Variants in ARSJ observed in about 807,000 individuals in gnomAD.
ARSJ encodes arylsulfatase family member J.
ARSJ carries 26 observed loss-of-function variants against 35.9 expected under a neutral mutation model. That is an observed-to-expected ratio of 0.72 (90% CI 0.53 to 1.00). ARSJ has a LOEUF of 1.00. Ranked by LOEUF, ARSJ falls within the 50% of genes least tolerant of loss-of-function variation. The pLI is 0.00. For missense variants in ARSJ, 667 were observed against 723.6 expected (o/e 0.92, Z 0.90); for synonymous variants, 294 against 267.6 (o/e 1.10, Z -0.96).
At position 113,902,585 on chromosome 4, in the gene ARSJ, T is replaced by G. The variant is rs1222417432; in HGVS notation, c.1489A>C (p.Asn497His). 7 of 1,614,044 alleles carry G rather than the reference T, an allele frequency of 4.3e-6. No individual in the cohort carries two copies. Among genetic ancestry groups the G allele is most frequent in the Non-Finnish European group, 5.9e-6 (7 of 1,180,042 alleles). ...CTCTCATATGGGTCGGCTGTGATGT[T>G]GAAAAGCCATACACTTTTGCCAGTT... ...LSTGKSVWLF[N>H]ITADPYERVD... Residue 497 changes from asparagine to histidine, a missense_variant, in exon 2 of 2, where the codon AAC becomes CAC. Transcript: ENST00000315366.
chr4:113,940,676 T>C (rs975238444), intron 1 of ARSJ, among the ~76,000 whole-genome samples: 3 of 150,758 alleles, frequency 2.0e-5, no homozygotes, highest in African/African-American at 7.3e-5. Context: ...AAAGACAGAG[T>C]ATCCAGAGAA....
At chr4:113,919,585 C>G (rs565395938) in intron 1 of ARSJ, among the ~76,000 whole-genome samples, 1 of 152,262 alleles carries the variant, frequency 6.6e-6, no homozygotes, top group Admixed American at 6.5e-5. Flanking sequence ...TCATTTGGCT[C>G]CTTCGCTTAT....
intron 1 of ARSJ, among the ~76,000 whole-genome samples, chr4:113,967,109 A>C (rs1322458618): frequency 6.6e-6 from 1 of 152,216 alleles, no homozygotes; most frequent in African/African-American, 2.4e-5. Context: ...CAGTGGAGAG[A>C]GAATTCATTG....
At chr4:113,933,258 T>A (rs1724567178) in intron 1 of ARSJ, among the ~76,000 whole-genome samples, 1 of 151,864 alleles carries the variant, frequency 6.6e-6, no homozygotes, top group Non-Finnish European at 1.5e-5. Context: ...CACTGGTGAA[T>A]TTTATCAAAC....
intron 1 of ARSJ, among the ~76,000 whole-genome samples, chr4:113,949,310 C>T (rs1725706926): frequency 6.6e-6 from 1 of 152,038 alleles, no homozygotes; most frequent in South Asian, 2.1e-4. Flanking sequence ...ACGTTCTGCA[C>T]ATGTATCCCA....
chr4:113,907,618 A>G (rs552243812), intron 1 of ARSJ, among the ~76,000 whole-genome samples: 8 of 152,292 alleles, frequency 5.3e-5, no homozygotes, highest in African/African-American at 1.9e-4. Context: ...AGTAAAGAAA[A>G]GAAAGAAAAA....
Position 113,903,209 on chromosome 4 carries a change from TTA to T in ARSJ, c.863_864del (p.Ile288LysfsTer14). 1 of 1,614,206 alleles carries T rather than the reference TTA, an allele frequency of 6.2e-7. No individual in the cohort carries two copies. Among genetic ancestry groups the T allele is most frequent in the East Asian group, 2.2e-5 (1 of 44,884 alleles). ...AGCATGGCAGCATATCTCCTCCTGT[TTA>T]TGTTGATAATGGATCGGTAGTGTTC... ...YFEHYRSIIN[I>X]NRRRYAAMLS... is the part of the protein sequence containing the mutation. On this transcript the variant is annotated frameshift_variant, in exon 2 of 2. Coordinates refer to ENST00000315366, the MANE Select transcript of ARSJ (RefSeq NM_024590.4). LOFTEE classifies it high-confidence loss of function.
chr4:113,939,180 C>A (rs200877538), intron 1 of ARSJ, among the ~76,000 whole-genome samples: 1 of 148,850 alleles, frequency 6.7e-6, no homozygotes, highest in African/African-American at 2.5e-5. Context: ...TTTGTCCTTG[C>A]GATAGTTTAC....
At chr4:113,952,688 G>T (rs1057193823) in intron 1 of ARSJ, among the ~76,000 whole-genome samples, 2 of 152,024 alleles carry the variant, frequency 1.3e-5, no homozygotes, top group African/African-American at 4.8e-5. Flanking sequence ...CTGGTTAGAA[G>T]GACCAAGAGA....
At chr4:113,945,229 G>C (rs907753066) in intron 1 of ARSJ, among the ~76,000 whole-genome samples, 1 of 151,960 alleles carries the variant, frequency 6.6e-6, no homozygotes, top group East Asian at 1.9e-4. Context: ...TGACCTCCTC[G>C]GTTCAAGCAA....
chr4:113,933,481 T>A (rs1335692160), intron 1 of ARSJ, among the ~76,000 whole-genome samples: 1 of 151,780 alleles, frequency 6.6e-6, no homozygotes, highest in Admixed American at 6.6e-5. Context: ...ATTCAACTCC[T>A]CATTAAAAAG....
At chr4:113,973,014 T>A (rs1037619744) in intron 1 of ARSJ, among the ~76,000 whole-genome samples, 1 of 152,202 alleles carries the variant, frequency 6.6e-6, no homozygotes, top group Non-Finnish European at 1.5e-5. Context: ...TTCATCCAAT[T>A]TCAGGCCTTT....
chr4:113,956,654 T>C (rs1726198075), intron 1 of ARSJ, among the ~76,000 whole-genome samples: 1 of 152,030 alleles, frequency 6.6e-6, no homozygotes, highest in Non-Finnish European at 1.5e-5. Flanking sequence ...AAGGATAAAT[T>C]GTATCTTCAC....
At chr4:113,972,566 G>A (rs1727341441) in intron 1 of ARSJ, among the ~76,000 whole-genome samples, 1 of 152,042 alleles carries the variant, frequency 6.6e-6, no homozygotes, top group Non-Finnish European at 1.5e-5. Flanking sequence ...CTAGAGTGCG[G>A]TGGCCCAATC....
In ARSJ at chr4:113,902,142, G is replaced by A; in HGVS notation, c.*132C>T. The stretch of plus-strand genomic sequence containing the variant: ...GGCGGCCAGGTGGCAGAAGTCTCTG[G>A]AGTGGCACAGCATGAAAACAAGCCT... On this transcript the variant is annotated 3_prime_UTR_variant, in exon 2 of 2. Transcript: ENST00000315366. 6.3e-7 allele frequency: 1 copy of A among 1,597,332 alleles called. No individual in the cohort carries two copies. The highest frequency in any genetic ancestry group is 8.5e-7 in the Non-Finnish European group (1 of 1,179,298).
At chr4:113,922,859 T>C (rs908821256) in intron 1 of ARSJ, among the ~76,000 whole-genome samples, 1 of 152,210 alleles carries the variant, frequency 6.6e-6, no homozygotes, top group South Asian at 2.1e-4. Context: ...AGTTTAATTT[T>C]ATATGTCAAC....
At chr4:113,971,141 T>A (rs1727221339) in intron 1 of ARSJ, among the ~76,000 whole-genome samples, 1 of 152,046 alleles carries the variant, frequency 6.6e-6, no homozygotes, top group Admixed American at 6.6e-5. Context: ...ACTCTAATTA[T>A]ATCAAGGTAA....
At chr4:113,965,014 T>C (rs1001998392) in intron 1 of ARSJ, among the ~76,000 whole-genome samples, 12 of 152,172 alleles carry the variant, frequency 7.9e-5, no homozygotes, top group African/African-American at 2.9e-4. Flanking sequence ...AACTAGGTAT[T>C]ACTTCAAAAC....
At chr4:113,952,672 C>T (rs926264004) in intron 1 of ARSJ, among the ~76,000 whole-genome samples, 1 of 152,004 alleles carries the variant, frequency 6.6e-6, no homozygotes, top group Non-Finnish European at 1.5e-5. Flanking sequence ...CAGGAATGGT[C>T]GACCCCTGGT....
Sources: gnomAD v4.1 joint callset for allele counts (sites outside exome capture counted in the v4.1 genomes callset) on GRCh38, gnomAD v4.1.1 for gene constraint, MANE v1.5 for transcripts, NCBI Gene and HGNC (gene_info 2026-07-23, HGNC 2026-07-21) for gene names.